The following DGKB variants were observed in gnomAD, a reference collection of about 807,000 sequenced individuals.
The protein encoded by DGKB is diacylglycerol kinase beta.
DGKB carries 67 observed loss-of-function variants against 114.3 expected under a neutral mutation model. The observed-to-expected ratio is 0.59, with a 90% CI of 0.48 to 0.72. DGKB has a LOEUF of 0.72. DGKB is among the 30% of genes least tolerant of loss of function. The pLI, the probability that DGKB is intolerant of heterozygous loss-of-function variation, is 0.00. For missense variants in DGKB, 907 were observed against 975.2 expected (o/e 0.93, Z 0.93); for synonymous variants, 398 against 323.1 (o/e 1.23, Z -2.49).
At chr7:14,286,564 T>C (rs951728268) in intron 23 of DGKB, among the ~76,000 whole-genome samples, 1 of 152,114 alleles carries the variant, frequency 6.6e-6, no homozygotes, top group South Asian at 2.1e-4. Flanking sequence ...AATGGAAAAG[T>C]TTGCTTGTGA....
chr7:14,819,904 C>T (rs1281639258), intron 2 of DGKB, among the ~76,000 whole-genome samples: 3 of 152,000 alleles, frequency 2.0e-5, no homozygotes, highest in Non-Finnish European at 4.4e-5. Context: ...CAATGAATTC[C>T]AGAGACCAAG....
intron 4 of DGKB, among the ~76,000 whole-genome samples, chr7:14,743,614 G>T (rs540107911): frequency 6.6e-6 from 1 of 152,170 alleles, no homozygotes; most frequent in African/African-American, 2.4e-5. Context: ...TCTCCAAAAT[G>T]ATGTTTAATT....
At chr7:14,645,063 G>A (rs1442413641) in intron 13 of DGKB, among the ~76,000 whole-genome samples, 1 of 152,042 alleles carries the variant, frequency 6.6e-6, no homozygotes, top group Non-Finnish European at 1.5e-5. Context: ...GTCTTGATTG[G>A]TTCCTTCTGA....
chr7:14,237,575 G>C (rs989518862), intron 23 of DGKB, among the ~76,000 whole-genome samples: 9 of 151,788 alleles, frequency 5.9e-5, no homozygotes, highest in African/African-American at 2.2e-4. Context: ...AGTTACTCAA[G>C]GTAATTTTAA....
At chr7:14,245,393 G>GAA (rs1293044261) in intron 23 of DGKB, among the ~76,000 whole-genome samples, 1 of 152,024 alleles carries the variant, frequency 6.6e-6, no homozygotes, top group Non-Finnish European at 1.5e-5. Context: ...ACCCTATTGG[G>GAA]AAAAGTACTC....
chr7:14,921,998 A>G lies in DGKB; in HGVS notation c.-188+52698T>C, dbSNP rs138625737. On this transcript the variant is annotated intron_variant, in intron 1 of 4. Transcript: ENST00000437998. The stretch of plus-strand genomic sequence containing the variant: ...CTTATCATTCAATCAGAACTGTAAA[A>G]ATCTTTACCAAAACCCTACAATAAG... 8.5e-5 allele frequency among the ~76,000 whole-genome samples: 13 copies of G among 152,246 alleles called. 2 individuals carry two copies. Among genetic ancestry groups the G allele is most frequent in the African/African-American group, 3.1e-4 (13 of 41,574 alleles).
intron 1 of DGKB, among the ~76,000 whole-genome samples, chr7:14,852,487 C>CAAAAAAAAACAAACAACAAAA (rs1554304221): frequency 4.7e-5 from 3 of 63,618 alleles, no homozygotes; most frequent in Non-Finnish European, 8.9e-5. Context: ...TAGTGAAAGT[C>CAAAAAAAAACAAACAACAAAA]AAAAAAAAAA....
intron 21 of DGKB, among the ~76,000 whole-genome samples, chr7:14,406,958 G>T (rs553592758): frequency 2.0e-5 from 3 of 152,202 alleles, no homozygotes; most frequent in African/African-American, 7.2e-5. Context: ...GTGATTATGG[G>T]TTCTGTATTG....
At chr7:14,535,391 A>AAAAG (rs1011107531) in intron 20 of DGKB, among the ~76,000 whole-genome samples, 22 of 146,718 alleles carry the variant, frequency 1.5e-4, no homozygotes, top group South Asian at 6.5e-4. Flanking sequence ...AAAAAAAAAA[A>AAAAG]AAAGAAAGAA....
At chr7:14,567,843 G>A (rs545593510) in intron 20 of DGKB, among the ~76,000 whole-genome samples, 23 of 151,702 alleles carry the variant, frequency 1.5e-4, no homozygotes, top group African/African-American at 5.6e-4. Context: ...CTGACTTCAG[G>A]TGATCTGCCT....
chr7:14,445,351 A>G (rs11978895), intron 21 of DGKB, among the ~76,000 whole-genome samples: 13,939 of 151,902 alleles, frequency 0.092, 767 homozygotes, highest in East Asian at 0.22. Context: ...TATGTGGAAG[A>G]GGAAACTTGT....
chr7:14,790,287 T>G (rs571661890), intron 2 of DGKB, among the ~76,000 whole-genome samples: 1 of 152,336 alleles, frequency 6.6e-6, no homozygotes, highest in South Asian at 2.1e-4. Context: ...ACCACGAGTT[T>G]TTTATTTTGA....
intron 17 of DGKB, among the ~76,000 whole-genome samples, chr7:14,594,673 G>A (rs2128751025): frequency 6.6e-6 from 1 of 152,192 alleles, no homozygotes; most frequent in East Asian, 1.9e-4. Flanking sequence ...AATCCATTCT[G>A]TCGTGTGAAT....
At chr7:14,460,722 C>T (rs570239749) in intron 21 of DGKB, among the ~76,000 whole-genome samples, 122 of 152,260 alleles carry the variant, frequency 8.0e-4, no homozygotes, top group African/African-American at 2.8e-3. Flanking sequence ...CAAGAGTATT[C>T]AGGACTTGAA....
chr7:14,321,300 A>T (rs1807749069), intron 23 of DGKB, among the ~76,000 whole-genome samples: 1 of 152,228 alleles, frequency 6.6e-6, no homozygotes, highest in African/African-American at 2.4e-5. Context: ...CAGAAAAAAA[A>T]TTAAGCAATG....
chr7:14,919,534 T>C (rs1006728703), intron 1 of DGKB, among the ~76,000 whole-genome samples: 3 of 152,202 alleles, frequency 2.0e-5, no homozygotes, highest in Non-Finnish European at 2.9e-5. Context: ...CTATAAATCA[T>C]TGATATCCCT....
At chr7:14,657,154 A>T (rs1043361692) in intron 13 of DGKB, among the ~76,000 whole-genome samples, 2 of 151,792 alleles carry the variant, frequency 1.3e-5, no homozygotes, top group African/African-American at 2.4e-5. Flanking sequence ...TTTAAAATAC[A>T]TGTACATGAA....
chr7:14,247,278 C>A (rs1282606658), intron 23 of DGKB, among the ~76,000 whole-genome samples: 1 of 152,090 alleles, frequency 6.6e-6, no homozygotes, highest in Non-Finnish European at 1.5e-5. Context: ...AGGTTGGTTT[C>A]ATATTTTGGC....
intron 13 of DGKB, among the ~76,000 whole-genome samples, chr7:14,640,724 C>A (rs1385009692): frequency 6.6e-6 from 1 of 152,044 alleles, no homozygotes; most frequent in East Asian, 1.9e-4. Flanking sequence ...TAATTCTTCA[C>A]CAGGTTTCAA....
Sources: gnomAD v4.1 joint callset for allele counts (sites outside exome capture counted in the v4.1 genomes callset) on GRCh38, gnomAD v4.1.1 for gene constraint, MANE v1.5 for transcripts, NCBI Gene and HGNC (gene_info 2026-07-23, HGNC 2026-07-21) for gene names.